Variants in CACNA1E observed in about 807,000 individuals in gnomAD.
CACNA1E encodes the protein calcium voltage-gated channel subunit alpha1 E.
In CACNA1E, 40 loss-of-function variants were observed where a neutral mutation model predicts 259.2. The observed-to-expected ratio is 0.15, with a 90% CI of 0.12 to 0.20. The LOEUF is 0.20. Ranked by LOEUF, CACNA1E falls within the 10% of genes least tolerant of loss-of-function variation. The pLI is 1.00. For synonymous variants in CACNA1E, 1,104 were observed against 1,138.5 expected (o/e 0.97, Z 0.61); for missense variants, 1,874 against 3,040.1 (o/e 0.62, Z 9.02).
At chr1:181,674,809 G>A (rs571223151) in intron 7 of CACNA1E, among the ~76,000 whole-genome samples, 1 of 152,306 alleles carries the variant, frequency 6.6e-6, no homozygotes, top group South Asian at 2.1e-4. Flanking sequence ...CAGCTCTGTG[G>A]ACCAAACAAG....
chr1:181,794,132 CA>C (rs1309345050), intron 45 of CACNA1E, among the ~76,000 whole-genome samples: 1 of 152,212 alleles, frequency 6.6e-6, no homozygotes, highest in Non-Finnish European at 1.5e-5. Context: ...AGCACATATG[CA>C]GTTACTTACA....
chr1:181,575,240 G>A (rs1572256443), intron 3 of CACNA1E, among the ~76,000 whole-genome samples: 1 of 152,192 alleles, frequency 6.6e-6, no homozygotes, highest in African/African-American at 2.4e-5. Context: ...GCCACAGGCT[G>A]CATGGCCCTG....
At chr1:181,630,542 C>T (rs961060768) in intron 6 of CACNA1E, among the ~76,000 whole-genome samples, 10 of 152,120 alleles carry the variant, frequency 6.6e-5, no homozygotes, top group South Asian at 2.1e-4. Context: ...ATTGCAACAA[C>T]GCCCTCTCCA....
chr1:181,805,203 G>A lies in CACNA1E; in HGVS notation c.*6369G>A, dbSNP rs536131706. ...CACTTCCTCTTCACTTCACTCAGAG[G>A]ATGGCCCCAAAACTGAAAAGGAAAT... On this transcript the variant is annotated 3_prime_UTR_variant, in exon 48 of 48. Transcript: ENST00000367573. 6.6e-6 allele frequency: 1 copy of A among 152,214 alleles called. No individual in the cohort carries two copies. The highest frequency in any genetic ancestry group is 2.4e-5 in the African/African-American group (1 of 41,524). 9.4% of individuals were successfully genotyped at this position (152,214 alleles called of 1,614,324 possible).
intron 1 of CACNA1E, among the ~76,000 whole-genome samples, chr1:181,342,857 C>T (rs761922013): frequency 3.0e-4 from 46 of 152,058 alleles, no homozygotes; most frequent in African/African-American, 9.4e-4. Context: ...GTGCTCACTT[C>T]GTATGGTTTT....
rs1478251862 is a variant in CACNA1E at position 181,720,771 on chromosome 1, T to C, written c.1884-12T>C. 19 of 1,522,684 alleles carry C rather than the reference T, an allele frequency of 1.2e-5. No individual in the cohort carries two copies. The highest frequency in any genetic ancestry group is 1.7e-5 in the Non-Finnish European group (19 of 1,101,510). 94.3% of individuals were successfully genotyped at this position (1,522,684 alleles called of 1,614,324 possible). On this transcript the variant is annotated splice_polypyrimidine_tract_variant and intron_variant, in intron 14 of 47. Transcript: ENST00000367573. ...TTTTCATTTCATTATTTTCTCTAAT[T>C]TTGTTTTTCAGGTTTAACTTTAATG... is the stretch of plus-strand genomic sequence containing the variant.
At chr1:181,663,041 C>A (rs1194071812) in intron 7 of CACNA1E, among the ~76,000 whole-genome samples, 1 of 152,168 alleles carries the variant, frequency 6.6e-6, no homozygotes, top group African/African-American at 2.4e-5. Flanking sequence ...TCTATACCCC[C>A]CAATCTCATT....
At chr1:181,468,245 G>A (rs990050361) in intron 2 of CACNA1E, among the ~76,000 whole-genome samples, 5 of 152,148 alleles carry the variant, frequency 3.3e-5, no homozygotes, top group Non-Finnish European at 5.9e-5. Context: ...GCAGGTTCAC[G>A]GTGACCACTG....
rs775529989 is a variant in CACNA1E at position 181,558,996 on chromosome 1, C to T, written c.513-18770C>T. 5.3e-5 allele frequency among the ~76,000 whole-genome samples: 8 copies of T among 152,254 alleles called. 1 individual carries two copies. The South Asian group carries it at 8.3e-4, about 16-fold the overall frequency. On this transcript the variant is annotated intron_variant, in intron 3 of 47. Transcript: ENST00000367573. The stretch of plus-strand genomic sequence containing the variant: ...CTGGAAGATGAGAATAAAACAGTCA[C>T]GTGTAGATGTGAGACCAAGAGAGCT...
intron 2 of CACNA1E, among the ~76,000 whole-genome samples, chr1:181,467,812 G>C (rs922859793): frequency 2.0e-5 from 3 of 152,174 alleles, no homozygotes; most frequent in Non-Finnish European, 4.4e-5. Context: ...TTCTACACCA[G>C]GAGTCTCAAC....
chr1:181,349,917 A>G (rs1296216680), intron 1 of CACNA1E, among the ~76,000 whole-genome samples: 1 of 152,182 alleles, frequency 6.6e-6, no homozygotes, highest in African/African-American at 2.4e-5. Flanking sequence ...TGCACTCAGT[A>G]TCCTGGCGTG....
intron 1 of CACNA1E, among the ~76,000 whole-genome samples, chr1:181,331,148 C>G (rs1218294467): frequency 6.6e-6 from 1 of 152,074 alleles, no homozygotes; most frequent in Non-Finnish European, 1.5e-5. Context: ...GATCTCATAT[C>G]CTTTCAGGCA....
At chr1:181,623,988 AC>A (rs1292236852) in intron 6 of CACNA1E, among the ~76,000 whole-genome samples, 1 of 152,210 alleles carries the variant, frequency 6.6e-6, no homozygotes, top group East Asian at 1.9e-4. Context: ...TGCAATCTAT[AC>A]AAGAAGCATG....
chr1:181,439,358 C>G (rs1172412996), intron 2 of CACNA1E, among the ~76,000 whole-genome samples: 1 of 150,836 alleles, frequency 6.6e-6, no homozygotes, highest in Admixed American at 6.6e-5. Flanking sequence ...TAAAGAACTG[C>G]CTTTAAACCA....
At chr1:181,653,968 G>A (rs2102077647) in intron 7 of CACNA1E, among the ~76,000 whole-genome samples, 1 of 152,156 alleles carries the variant, frequency 6.6e-6, no homozygotes, top group South Asian at 2.1e-4. Flanking sequence ...TGAACACACA[G>A]CTAGGGATCA....
intron 43 of CACNA1E, among the ~76,000 whole-genome samples, chr1:181,787,130 G>C (rs554751814): frequency 6.6e-6 from 1 of 151,956 alleles, no homozygotes; most frequent in South Asian, 2.1e-4. Context: ...TTGTTTGTTT[G>C]TTTTTTTGAG....
intron 2 of CACNA1E, among the ~76,000 whole-genome samples, chr1:181,428,400 C>T (rs1659461801): frequency 6.6e-6 from 1 of 152,158 alleles, no homozygotes; most frequent in Non-Finnish European, 1.5e-5. Context: ...GCTCTGGGGA[C>T]ACTGTGGCTC....
intron 6 of CACNA1E, among the ~76,000 whole-genome samples, chr1:181,647,507 C>T (rs975270311): frequency 3.3e-5 from 5 of 152,130 alleles, no homozygotes; most frequent in African/African-American, 1.2e-4. Flanking sequence ...ACGTGCACAC[C>T]ACGAGAGAGA....
chr1:181,502,533 A>G (rs965907864), intron 1 of CACNA1E, among the ~76,000 whole-genome samples: 1 of 152,178 alleles, frequency 6.6e-6, no homozygotes, highest in African/African-American at 2.4e-5. Context: ...TCACCTGGGC[A>G]GGGTGGAGCG....
Sources: gnomAD v4.1 joint callset for allele counts (sites outside exome capture counted in the v4.1 genomes callset) on GRCh38, gnomAD v4.1.1 for gene constraint, MANE v1.5 for transcripts, NCBI Gene and HGNC (gene_info 2026-07-23, HGNC 2026-07-21) for gene names.